The following NBPF11 variants were observed in gnomAD, a reference collection of about 807,000 sequenced individuals.
NBPF11 encodes NBPF member 11.
Under a neutral mutation model 93.9 loss-of-function variants are expected in NBPF11, and 72 were observed. The observed-to-expected ratio is 0.77, with a 90% CI of 0.63 to 0.93. The LOEUF (loss-of-function observed/expected upper bound fraction) is 0.93, where lower values mean the gene tolerates loss of function less well. Ranked by LOEUF, NBPF11 falls within the 40% of genes least tolerant of loss-of-function variation. The pLI is 0.00. For synonymous variants in NBPF11, 224 were observed against 304.9 expected (o/e 0.73, Z 2.76); for missense variants, 705 against 802.2 (o/e 0.88, Z 1.46).
At chr1:148,149,326 C>A in intron 1 of NBPF11, 2 of 1,597,106 alleles carry the variant, frequency 1.3e-6, no homozygotes, top group South Asian at 1.1e-5. Context: ...CCTACTGCTT[C>A]GACGCCTTCC....
At position 148,102,304 on chromosome 1, in the gene NBPF11, A is replaced by T. The variant is rs1460462489; in HGVS notation, c.*1592T>A. The T allele has an allele frequency of 1.3e-5, 2 of 151,902 alleles. No homozygotes were observed. Among genetic ancestry groups the T allele is most frequent in the Admixed American group, 6.5e-5 (1 of 15,272 alleles). The allele number at this position is 151,902 out of a possible 1,614,324, so 9.4% of individuals were successfully genotyped here. On this transcript the variant is annotated 3_prime_UTR_variant, in exon 24 of 24. Transcript: ENST00000682118. ...GAGACCCAAAATTTGCAGCGTAGAGATATGAATATAATAATAGACACAGGC... is the reference window on the plus strand; with the variant it reads ...GAGACCCAAAATTTGCAGCGTAGAGTTATGAATATAATAATAGACACAGGC...
chr1:148,151,546 G>A (rs1648329755), intron 1 of NBPF11, among the ~76,000 whole-genome samples: 2 of 152,018 alleles, frequency 1.3e-5, no homozygotes, highest in African/African-American at 2.4e-5. Context: ...ACGAGAGGAG[G>A]GCTGCGGGCT....
At chr1:148,116,595 A>T in intron 12 of NBPF11, 60 bp from the exon 13 acceptor site, 3 of 634,352 alleles carry the variant, frequency 4.7e-6, no homozygotes, top group South Asian at 3.6e-5. Context: ...AAGCACAGTC[A>T]GCCCAATGTG....
At chr1:148,122,871 C>T in intron 7 of NBPF11, 70 bp from the exon 8 acceptor site, 1 of 1,606,304 alleles carries the variant, frequency 6.2e-7, no homozygotes, top group Admixed American at 1.7e-5. Flanking sequence ...GCCCAACGTG[C>T]ACAGAGACAT....
At chr1:148,135,885 C>T in intron 3 of NBPF11, 72 bp from the exon 4 acceptor site, 1 of 934,042 alleles carries the variant, frequency 1.1e-6, no homozygotes, top group Non-Finnish European at 1.7e-6. Flanking sequence ...CACTTTCTTA[C>T]CATGACCCTG....
chr1:148,116,901 T>A (rs1441917401), intron 12 of NBPF11, among the ~76,000 whole-genome samples: 219 of 152,306 alleles, frequency 1.4e-3, no homozygotes, highest in African/African-American at 5.0e-3. Context: ...ACCTAATTCT[T>A]TCTCTTAGAA....
chr1:148,133,577 T>A (rs1670784312), intron 4 of NBPF11, among the ~76,000 whole-genome samples: 1 of 152,240 alleles, frequency 6.6e-6, no homozygotes, highest in Non-Finnish European at 1.5e-5. Flanking sequence ...GCTTTTACTG[T>A]GTATGACCAC....
intron 2 of NBPF11, 121 bp downstream of exon 2, chr1:148,143,294 T>C (rs1672488989): frequency 1.7e-6 from 1 of 585,824 alleles, no homozygotes; most frequent in Admixed American, 5.7e-5. Flanking sequence ...TTAATATCTG[T>C]TTGATGCCAG....
At chr1:148,136,138 G>A (rs1671242210) in intron 3 of NBPF11, among the ~76,000 whole-genome samples, 1 of 151,924 alleles carries the variant, frequency 6.6e-6, no homozygotes, top group Non-Finnish European at 1.5e-5. Flanking sequence ...ATGTACAATA[G>A]TATAAACACT....
At chr1:148,141,314 G>A (rs1174410277) in intron 2 of NBPF11, among the ~76,000 whole-genome samples, 22 of 152,030 alleles carry the variant, frequency 1.4e-4, no homozygotes, top group Non-Finnish European at 2.9e-4. Context: ...TGATAATGAT[G>A]TATCAACAGT....
chr1:148,102,646 G>A lies in NBPF11; in HGVS notation c.*1250C>T, dbSNP rs1662590516. 1 of 150,794 alleles carries A rather than the reference G, an allele frequency of 6.6e-6. No homozygotes were observed. 9.3% of individuals were successfully genotyped at this position (150,794 alleles called of 1,614,324 possible). On this transcript the variant is annotated 3_prime_UTR_variant, in exon 24 of 24. Coordinates refer to ENST00000682118, the MANE Select transcript of NBPF11 (RefSeq NM_001385469.3). ...AGACAACTTCAGAATGTAGATCATT[G>A]AGCCAGACAGCTGACCTGTCCTCTA...
chr1:148,122,884 A>T, intron 7 of NBPF11, 83 bp from the exon 8 acceptor site: 2 of 1,604,804 alleles, frequency 1.2e-6, no homozygotes, highest in Non-Finnish European at 1.7e-6. Flanking sequence ...AGAGACATGA[A>T]TATCTATGTA....
rs1201635654 is a variant in NBPF11 at position 148,124,074 on chromosome 1, T to G, written c.279-7A>C. 40 of 1,605,920 alleles carry G rather than the reference T, an allele frequency of 2.5e-5. 2 individuals are homozygous for G. The highest frequency in any genetic ancestry group is 2.3e-4 in the African/African-American group (17 of 74,484). On this transcript the variant is annotated splice_polypyrimidine_tract_variant and splice_region_variant and intron_variant, in intron 6 of 23. Transcript: ENST00000682118. ...AACCAGGACTTTATATTGCCTAAGG[T>G]GAGACGGTAGAGAAAATTTAACAGT...
chr1:148,119,462 G>A (rs1431830157), intron 10 of NBPF11, among the ~76,000 whole-genome samples: 1 of 151,948 alleles, frequency 6.6e-6, no homozygotes, highest in Non-Finnish European at 1.5e-5. Context: ...TGAGGAAACT[G>A]AGGGACAGAG....
At position 148,115,643 on chromosome 1, in the gene NBPF11, G is replaced by A. The variant is rs1262722934; in HGVS notation, c.1585+150C>T. ...ACTGGCAAACAAAGGCATGACATTAGCTGAGAAGGACAAAAAAACTCCCTG... is the reference window on the plus strand; with the variant it reads ...ACTGGCAAACAAAGGCATGACATTAACTGAGAAGGACAAAAAAACTCCCTG... On this transcript the variant is annotated intron_variant, in intron 14 of 23. Coordinates refer to ENST00000682118, the MANE Select transcript of NBPF11 (RefSeq NM_001385469.3). 38 of 1,310,748 alleles carry A rather than the reference G, an allele frequency of 2.9e-5. No individual in the cohort carries two copies. In the South Asian group the frequency reaches 4.9e-4, roughly 17 times the overall value. The allele number at this position is 1,310,748 out of a possible 1,614,324, so 81.2% of individuals were successfully genotyped here.
rs1350728723 is a variant in NBPF11 at position 148,124,541 on chromosome 1, C to A, written c.278+358G>T. On this transcript the variant is annotated intron_variant, in intron 6 of 23. Coordinates refer to ENST00000682118, the MANE Select transcript of NBPF11 (RefSeq NM_001385469.3). ...TTGATTGAGTGAAAGAATGAGAAGACGCAGTCAGTCAGGAGGTGATTCTCA... is the reference window on the plus strand; with the variant it reads ...TTGATTGAGTGAAAGAATGAGAAGAAGCAGTCAGTCAGGAGGTGATTCTCA... Among the ~76,000 whole-genome samples the A allele has an allele frequency of 7.4e-3, 1,121 of 151,360 alleles. 33 individuals carry two copies. The highest frequency in any genetic ancestry group is 0.059 in the East Asian group (302 of 5,140).
In NBPF11 at chr1:148,120,600, G is replaced by A; in HGVS notation, c.889C>T (p.Pro297Ser). The A allele has an allele frequency of 6.7e-7, 1 of 1,499,158 alleles. No individual in the cohort carries two copies. 92.9% of individuals were successfully genotyped at this position (1,499,158 alleles called of 1,614,324 possible). A position where few individuals can be genotyped will look rare whatever the true frequency, so the allele number is the denominator to read the frequency against. Residue 297 changes from proline (P) to serine (S), a missense_variant, in exon 10 of 24, where the codon CCC becomes TCC. Pro to Ser is a moderately conservative substitution (Grantham distance 74). This residue lies in a region of NBPF11 where 262 missense variants were observed against 223.1 expected (regional missense o/e 1.17). Transcript: ENST00000682118. ...NILEINEKLC[P>S]QLAEKKQQFR... ...TGCTGTTTCTTCTCTGCCAGCTGGG[G>A]GCACAATTTCTCATTGATTTCTAGA...
intron 1 of NBPF11, among the ~76,000 whole-genome samples, chr1:148,151,312 C>A (rs1289369307): frequency 6.6e-6 from 1 of 151,962 alleles, no homozygotes; most frequent in Non-Finnish European, 1.5e-5. Flanking sequence ...CCTGGAGACA[C>A]CGCCAGGAGC....
chr1:148,149,344 C>G (rs1647642853), intron 1 of NBPF11: 4 of 1,597,010 alleles, frequency 2.5e-6, no homozygotes, highest in Non-Finnish European at 3.4e-6. Context: ...TCCCTAACAT[C>G]GAGAAGGTGT....
Sources: gnomAD v4.1 joint callset for allele counts (sites outside exome capture counted in the v4.1 genomes callset) on GRCh38, gnomAD v4.1.1 for gene constraint, gnomAD v4.1.1 regional missense constraint, MANE v1.5 for transcripts, NCBI Gene and HGNC (gene_info 2026-07-23, HGNC 2026-07-21) for gene names.